The following RBFOX2 variants were observed in gnomAD, a reference collection of about 807,000 sequenced individuals.
RBFOX2 encodes the protein RNA binding fox-1 homolog 2.
In RBFOX2, 10 loss-of-function variants were observed where a neutral mutation model predicts 49.1. The ratio of observed to expected loss-of-function variants is 0.20; its 90% CI spans 0.13 to 0.35. The LOEUF (loss-of-function observed/expected upper bound fraction) is 0.35, where lower values mean the gene tolerates loss of function less well. Among genes scored for constraint, RBFOX2 ranks in the 10% least tolerant of loss-of-function variants. RBFOX2 has a pLI of 1.00. For synonymous variants in RBFOX2, 183 were observed against 187.4 expected (o/e 0.98, Z 0.19); for missense variants, 323 against 486.9 (o/e 0.66, Z 3.17).
At chr22:35,825,702 C>T (rs932448051) in intron 1 of RBFOX2, among the ~76,000 whole-genome samples, 14 of 152,216 alleles carry the variant, frequency 9.2e-5, no homozygotes, top group African/African-American at 2.9e-4. Context: ...TAAGATAGGC[C>T]GGGTGCAGTG....
At chr22:35,772,759 G>A (rs1372970470) in intron 4 of RBFOX2, among the ~76,000 whole-genome samples, 1 of 152,152 alleles carries the variant, frequency 6.6e-6, no homozygotes, top group Non-Finnish European at 1.5e-5. Flanking sequence ...CAATTTCACA[G>A]CCTGCCTTTA....
intron 1 of RBFOX2, among the ~76,000 whole-genome samples, chr22:35,849,298 A>ACACACAC (rs2041611904): frequency 1.5e-5 from 2 of 133,234 alleles, no homozygotes; most frequent in African/African-American, 2.9e-5. Context: ...TACACACACA[A>ACACACAC]ACACACACAC....
rs561993036 is a variant in RBFOX2 at position 35,921,152 on chromosome 22, C to A, written c.-34+17695G>T. ...TCAAATCCCTATTCTACCACTTATTCTATGTACGACTTTGGCAAATCACTT... is the reference window on the plus strand; with the variant it reads ...TCAAATCCCTATTCTACCACTTATTATATGTACGACTTTGGCAAATCACTT... On this transcript the variant is annotated intron_variant, in intron 1 of 13. Coordinates refer to the RBFOX2 transcript ENST00000359369. Among the ~76,000 whole-genome samples, 20 of 152,316 alleles carry A rather than the reference C, an allele frequency of 1.3e-4. 1 individual carries two copies. In the South Asian group the frequency reaches 3.5e-3, roughly 27 times the overall value.
At chr22:35,953,210 CAAAA>C (rs34387129) in intron 1 of RBFOX2, among the ~76,000 whole-genome samples, 2 of 22,418 alleles carry the variant, frequency 8.9e-5, no homozygotes, top group African/African-American at 3.8e-4. Flanking sequence ...GACTCCATCT[CAAAA>C]AAAAAAAAAA....
chr22:35,933,363 A>C (rs1181386260), intron 1 of RBFOX2, among the ~76,000 whole-genome samples: 3 of 152,244 alleles, frequency 2.0e-5, no homozygotes, highest in Non-Finnish European at 4.4e-5. Flanking sequence ...GTGTACCACA[A>C]ATATATACAT....
chr22:35,883,080 G>T (rs1174305371), intron 1 of RBFOX2, among the ~76,000 whole-genome samples: 1 of 152,160 alleles, frequency 6.6e-6, no homozygotes, highest in African/African-American at 2.4e-5. Flanking sequence ...ACTGGGAAAA[G>T]AATTCTCCAT....
intron 9 of RBFOX2, among the ~76,000 whole-genome samples, chr22:35,758,871 A>C (rs1937686475): frequency 6.6e-6 from 1 of 152,206 alleles, no homozygotes; most frequent in Non-Finnish European, 1.5e-5. Flanking sequence ...GGCTAAGCCA[A>C]TTTTGCTGTC....
At chr22:35,781,842 T>TAA in intron 2 of RBFOX2, 96 bp from the exon 4 acceptor site, 1 of 1,481,914 alleles carries the variant, frequency 6.7e-7, no homozygotes, top group Non-Finnish European at 9.2e-7. Flanking sequence ...AGGGTATGTT[T>TAA]AAGCAAAAAT....
chr22:35,897,908 G>T, intron 1 of RBFOX2: 1 of 726,396 alleles, frequency 1.4e-6, no homozygotes, highest in South Asian at 1.4e-5. Context: ...TGTGCAACAT[G>T]AATGAATTTT....
At chr22:35,766,743 A>G (rs1057360137) in intron 5 of RBFOX2, among the ~76,000 whole-genome samples, 6 of 152,226 alleles carry the variant, frequency 3.9e-5, no homozygotes, top group African/African-American at 9.6e-5. Context: ...GTTCTCACAG[A>G]CAAGGATTAG....
In RBFOX2 at chr22:35,882,078, T is replaced by C. The variant is rs551844724; in HGVS notation, c.-34+56769A>G. On this transcript the variant is annotated intron_variant, in intron 1 of 13. Coordinates refer to the RBFOX2 transcript ENST00000359369. ...TACCCGGCTGGTAAAACTTTCCTGG[T>C]TAGCTGAGAACTAAAGCCATGAGAG... Among the ~76,000 whole-genome samples, 32 of 151,882 alleles carry C rather than the reference T, an allele frequency of 2.1e-4. No homozygotes were observed. In the South Asian group the frequency reaches 3.8e-3, roughly 18 times the overall value.
At chr22:35,748,114 G>A (rs1933467592) in intron 9 of RBFOX2, 1 of 152,122 alleles carries the variant, frequency 6.6e-6, no homozygotes, top group South Asian at 2.1e-4. Flanking sequence ...AAACTGCATT[G>A]TGAGGGAAAT....
rs762956944 is a variant in RBFOX2 at position 35,781,751 on chromosome 22, G to C, written c.253-5C>G. ...CTGTGCTCCACCTTCTGTCTGCTAA[G>C]CAAAGAAATAAAGAATGAAAAATAT... On this transcript the variant is annotated splice_region_variant and splice_polypyrimidine_tract_variant and intron_variant, in intron 2 of 11. Transcript: ENST00000405409. 1 of 1,613,738 alleles carries C rather than the reference G, an allele frequency of 6.2e-7. No individual in the cohort carries two copies. Among genetic ancestry groups the C allele is most frequent in the South Asian group, 1.1e-5 (1 of 91,004 alleles).
At chr22:35,776,560 T>C (rs1943957037) in intron 4 of RBFOX2, among the ~76,000 whole-genome samples, 1 of 152,232 alleles carries the variant, frequency 6.6e-6, no homozygotes, top group South Asian at 2.1e-4. Flanking sequence ...AACTCTGTTA[T>C]CAATTCCCAA....
upstream of RBFOX2, among the ~76,000 whole-genome samples, chr22:35,966,664 G>C (rs904265389): frequency 6.6e-6 from 1 of 152,006 alleles, no homozygotes; most frequent in African/African-American, 2.4e-5. Context: ...TTTTGCTACT[G>C]GGTTGTTCAA....
chr22:35,850,193 TAC>T (rs58692076), intron 1 of RBFOX2, among the ~76,000 whole-genome samples: 3,869 of 132,552 alleles, frequency 0.029, 132 homozygotes, highest in African/African-American at 0.081. Flanking sequence ...CTCTCTCTCA[TAC>T]ACACACACAC....
chr22:35,757,985 T>C (rs1014866601), intron 9 of RBFOX2, among the ~76,000 whole-genome samples: 2 of 152,198 alleles, frequency 1.3e-5, no homozygotes, highest in Non-Finnish European at 2.9e-5. Flanking sequence ...AAATAACTTA[T>C]TGGGAATATT....
intron 6 of RBFOX2, among the ~76,000 whole-genome samples, chr22:35,764,101 T>C (rs1939977918): frequency 6.6e-6 from 1 of 152,150 alleles, no homozygotes; most frequent in African/African-American, 2.4e-5. Flanking sequence ...GGCAGTGGTA[T>C]CATACCGATA....
At chr22:35,872,077 C>G (rs2044425929) in intron 1 of RBFOX2, among the ~76,000 whole-genome samples, 2 of 152,154 alleles carry the variant, frequency 1.3e-5, no homozygotes, top group African/African-American at 4.8e-5. Context: ...AGTAAGTGCC[C>G]AGCACTGTAC....
Sources: allele counts gnomAD v4.1 joint callset (sites outside exome capture counted in the v4.1 genomes callset), GRCh38; gene constraint gnomAD v4.1.1; transcripts MANE v1.5; gene names NCBI Gene and HGNC (gene_info 2026-07-23, HGNC 2026-07-21).